The following DENND4C variants were observed in gnomAD, a reference collection of about 807,000 sequenced individuals.
DENND4C encodes DENN domain containing 4C, also known as DENN domain-containing protein 4C.
In DENND4C, 108 loss-of-function variants were observed where a neutral mutation model predicts 203.0. That is an observed-to-expected ratio of 0.53 (90% confidence interval 0.46 to 0.62). The LOEUF is 0.62. DENND4C is among the 20% of genes least tolerant of loss of function. The pLI, the probability that DENND4C is intolerant of heterozygous loss-of-function variation, is 0.00. For missense variants in DENND4C, 2,481 were observed against 2,301.2 expected, an observed-to-expected ratio of 1.08 and a Z score of -1.60; for synonymous variants, 871 against 792.4, an observed-to-expected ratio of 1.10 and a Z score of -1.67.
chr9:19,254,222 A>T (rs889736792), intron 1 of DENND4C, among the ~76,000 whole-genome samples: 1 of 152,238 alleles, frequency 6.6e-6, no homozygotes, highest in Non-Finnish European at 1.5e-5. Context: ...CAATTCAGCA[A>T]TCCCACTTCT....
chr9:19,231,211 G>A (rs998728578), intron 1 of DENND4C, among the ~76,000 whole-genome samples: 8 of 152,200 alleles, frequency 5.3e-5, no homozygotes, highest in African/African-American at 1.9e-4. Context: ...GGAGGGAGCA[G>A]GATCGGGGCT....
intron 1 of DENND4C, among the ~76,000 whole-genome samples, chr9:19,264,290 T>C: frequency 6.6e-6 from 1 of 152,008 alleles, no homozygotes; most frequent in East Asian, 1.9e-4. Flanking sequence ...GGTATATAGT[T>C]GCTCATAGTA....
At chr9:19,254,718 T>G (rs1827500664) in intron 1 of DENND4C, among the ~76,000 whole-genome samples, 1 of 152,168 alleles carries the variant, frequency 6.6e-6, no homozygotes. Context: ...GGTGGTGGTG[T>G]TGATTGTGTT....
At chr9:19,371,929 CTAAATA>C (rs1762378090) in intron 32 of DENND4C, 102 bp from the exon 33 acceptor site, 8 of 1,326,156 alleles carry the variant, frequency 6.0e-6, no homozygotes, top group Admixed American at 4.5e-5. Context: ...ATTTCTACTT[CTAAATA>C]TATAGTTCAA....
intron 1 of DENND4C, among the ~76,000 whole-genome samples, chr9:19,254,984 T>A (rs1827577600): frequency 6.6e-6 from 1 of 151,704 alleles, no homozygotes; most frequent in African/African-American, 2.4e-5. Context: ...AATACAAAAA[T>A]TAGCCAGGTG....
intron 16 of DENND4C, 104 bp from the exon 17 acceptor site, chr9:19,331,874 G>A: frequency 9.4e-7 from 1 of 1,065,732 alleles, no homozygotes; most frequent in Non-Finnish European, 1.3e-6. Flanking sequence ...CTTGATTTTA[G>A]GGGGTCAAGT....
At chr9:19,325,997 G>A (rs1234196709) in intron 14 of DENND4C, 23 bp downstream of exon 14, 3 of 1,608,610 alleles carry the variant, frequency 1.9e-6, no homozygotes, top group Non-Finnish European at 2.5e-6. Context: ...TAGATTTTAA[G>A]GGTTGAAATT....
intron 2 of DENND4C, among the ~76,000 whole-genome samples, chr9:19,278,762 G>A (rs1444363092): frequency 1.3e-5 from 2 of 152,092 alleles, no homozygotes; most frequent in African/African-American, 2.4e-5. Context: ...AGTATAGTTA[G>A]GATGGTGATC....
chr9:19,359,422 G>T (rs1826013199), intron 28 of DENND4C, among the ~76,000 whole-genome samples: 1 of 151,724 alleles, frequency 6.6e-6, no homozygotes, highest in Non-Finnish European at 1.5e-5. Flanking sequence ...CGTTGTTCAT[G>T]CTTATATTAT....
intron 2 of DENND4C, among the ~76,000 whole-genome samples, chr9:19,281,181 A>G (rs957688228): frequency 2.6e-5 from 4 of 152,214 alleles, no homozygotes; most frequent in Admixed American, 2.0e-4. Context: ...ACGTAATTAT[A>G]TGTAGGTGCT....
intron 26 of DENND4C, among the ~76,000 whole-genome samples, chr9:19,355,399 C>T (rs771271901): frequency 1.3e-5 from 2 of 152,014 alleles, no homozygotes; most frequent in South Asian, 2.1e-4. Context: ...TATCCTTGAA[C>T]GTTTTTGCTT....
At chr9:19,334,291 T>A (rs941533200) in intron 17 of DENND4C, among the ~76,000 whole-genome samples, 1 of 152,104 alleles carries the variant, frequency 6.6e-6, no homozygotes, top group Non-Finnish European at 1.5e-5. Flanking sequence ...CCTCAGGTGA[T>A]CTGCCTGCCT....
chr9:19,263,380 G>C (rs1335544728), intron 1 of DENND4C, among the ~76,000 whole-genome samples: 1 of 152,068 alleles, frequency 6.6e-6, no homozygotes, highest in Non-Finnish European at 1.5e-5. Context: ...TTTTGAGACA[G>C]AGTTTCACTC....
intron 26 of DENND4C, among the ~76,000 whole-genome samples, chr9:19,354,547 GC>G (rs1327866103): frequency 3.3e-5 from 4 of 120,186 alleles, no homozygotes; most frequent in Non-Finnish European, 6.7e-5. Context: ...TGTTATTCTA[GC>G]CTTTTTTTTT....
intron 24 of DENND4C, among the ~76,000 whole-genome samples, chr9:19,351,731 T>C (rs1157639483): frequency 6.7e-6 from 1 of 150,212 alleles, no homozygotes; most frequent in Admixed American, 6.7e-5. Flanking sequence ...CACTTGAACC[T>C]GGGAGGCAGA....
chr9:19,364,420 C>G (rs1827175735), intron 30 of DENND4C, among the ~76,000 whole-genome samples: 1 of 152,194 alleles, frequency 6.6e-6, no homozygotes, highest in Admixed American at 6.5e-5. Context: ...TTCGAGAACT[C>G]TGTTCTATAG....
rs556100058 is a variant in DENND4C, at chr9:19,237,144, C to T, written c.-18+6311C>T. 4.1e-4 allele frequency among the ~76,000 whole-genome samples: 62 copies of T among 152,220 alleles called. 1 individual carries two copies. In the South Asian group the frequency reaches 0.011, roughly 28 times the overall value. ...CAAGCGATTCTCCTGCCTCAGCTTC[C>T]TGAGTAGCTGGGATTACAGGCGCGC... On this transcript the variant is annotated intron_variant, in intron 1 of 32. Coordinates refer to ENST00000434457, the MANE Select transcript of DENND4C (RefSeq NM_001330640.2).
intron 1 of DENND4C, among the ~76,000 whole-genome samples, chr9:19,242,657 T>C (rs1157305239): frequency 6.7e-6 from 1 of 149,854 alleles, no homozygotes; most frequent in African/African-American, 2.4e-5. Context: ...TTTCTTTCTT[T>C]TTTTTTTTTT....
chr9:19,244,748 A>G (rs1410215923), intron 1 of DENND4C, among the ~76,000 whole-genome samples: 1 of 151,950 alleles, frequency 6.6e-6, no homozygotes, highest in Non-Finnish European at 1.5e-5. Context: ...TCAAAAAAAA[A>G]AAAAAAAGTA....
Sources: allele counts gnomAD v4.1 joint callset (sites outside exome capture counted in the v4.1 genomes callset), GRCh38; gene constraint gnomAD v4.1.1; transcripts MANE v1.5; gene names NCBI Gene and HGNC (gene_info 2026-07-23, HGNC 2026-07-21).